The following XPNPEP2 variants were observed in gnomAD, a reference collection of about 807,000 sequenced individuals.
XPNPEP2 encodes the protein xaa-Pro aminopeptidase 2.
Under a neutral mutation model 59.8 loss-of-function variants are expected in XPNPEP2, and 64 were observed. The observed-to-expected ratio is 1.07, with a 90% CI of 0.87 to 1.32. The LOEUF is 1.32. Ranked by LOEUF, XPNPEP2 falls within the 40% of genes most tolerant of loss-of-function variation. XPNPEP2 has a pLI of 0.00. For missense variants in XPNPEP2, 575 were observed against 546.8 expected (o/e 1.05, Z -0.51); for synonymous variants, 235 against 210.0 (o/e 1.12, Z -1.03).
At chrX:129,740,547 T>G (rs1926154344) in intron 1 of XPNPEP2, among the ~76,000 whole-genome samples, 1 of 109,254 alleles carries the variant, frequency 9.2e-6, no homozygotes, top group Admixed American at 9.7e-5. Flanking sequence ...GAGAATCGCT[T>G]GAACTCAGGA....
chrX:129,746,094 A>G, intron 4 of XPNPEP2, 142 bp from the exon 5 acceptor site: 1 of 498,584 alleles, frequency 2.0e-6, no homozygotes, highest in Admixed American at 3.5e-5. Context: ...CTCCTTCCTC[A>G]CTTCTTTCCA....
In XPNPEP2 at chrX:129,761,220, T is replaced by A; in HGVS notation, c.1547T>A (p.Leu516His). The A allele has an allele frequency of 8.3e-7, 1 of 1,212,037 alleles. No individual in the cohort carries two copies. The highest frequency in any genetic ancestry group is 1.1e-6 in the Non-Finnish European group (1 of 895,554). Reference sequence around the variant, plus strand: ...CGCAGAGCCTTGTGGGATGCTGGTCTCAATTATGGTCATGGGACAGGCCAC... The same window carrying A: ...CGCAGAGCCTTGTGGGATGCTGGTCACAATTATGGTCATGGGACAGGCCAC... ...FARRALWDAG[L>H]NYGHGTGHGI... The change falls in exon 17 of 21, where the codon CTC becomes CAC. Residue 516 changes from leucine (L) to histidine (H), a missense_variant. By Grantham distance (99) the Leu-to-His change is moderately conservative. Transcript: ENST00000371106.
At chrX:129,750,714 G>C in intron 8 of XPNPEP2, 145 bp downstream of exon 8, 1 of 491,092 alleles carries the variant, frequency 2.0e-6, no homozygotes. Flanking sequence ...CAGCCCGTGG[G>C]AACCAAGAAG....
At chrX:129,753,051 G>T in intron 10 of XPNPEP2, 108 bp from the exon 11 acceptor site, 2 of 604,450 alleles carry the variant, frequency 3.3e-6, no homozygotes, top group Non-Finnish European at 5.6e-6. Context: ...CGTCTGCTGG[G>T]TCCTCCTGCC....
intron 16 of XPNPEP2, among the ~76,000 whole-genome samples, chrX:129,760,962 A>T (rs1175743493): frequency 8.9e-6 from 1 of 112,196 alleles, no homozygotes; most frequent in African/African-American, 3.2e-5. Flanking sequence ...TAAGCTGGAG[A>T]TAGTGATGGG....
At chrX:129,757,893 GAGAAAGAAAGAAAGAAAGAA>G (rs558575574) in intron 14 of XPNPEP2, among the ~76,000 whole-genome samples, 4,206 of 51,716 alleles carry the variant, frequency 0.081, 203 homozygotes, top group Non-Finnish European at 0.1. Flanking sequence ...GAGAGAGAGA[GAGAAAGAAAGAAAGAAAGAA>G]AGAAAGAAAG....
intron 15 of XPNPEP2, among the ~76,000 whole-genome samples, chrX:129,760,113 G>A (rs1926628696): frequency 1.8e-5 from 2 of 112,532 alleles, no homozygotes; most frequent in African/African-American, 6.5e-5. Context: ...TAGGAGCTAG[G>A]TCCTGTTATC....
At chrX:129,746,565 C>T (rs183740757) in intron 5 of XPNPEP2, 30 bp from the exon 6 acceptor site, 28 of 1,189,816 alleles carry the variant, frequency 2.4e-5, no homozygotes, top group Admixed American at 1.1e-4. Context: ...CTGAAGGTGA[C>T]CTCTGCATTG....
rs1411509903 is a variant in XPNPEP2 at position 129,768,416 on chromosome X, C to T, written c.1956C>T (p.Ala652=). Residue 652 remains alanine (A), a synonymous_variant, in exon 21 of 21, where the codon GCC becomes GCT. Coordinates refer to ENST00000371106, the MANE Select transcript of XPNPEP2 (RefSeq NM_003399.6). ...QQHTEPLAAR[A]PDTASWASVL... Reference sequence around the variant, plus strand: ...ACACAGAGCCCCTGGCCGCCAGGGCCCCAGACACCGCCTCCTGGGCCTCTG... The same window carrying T: ...ACACAGAGCCCCTGGCCGCCAGGGCTCCAGACACCGCCTCCTGGGCCTCTG... 3 of 1,206,244 alleles carry T rather than the reference C, an allele frequency of 2.5e-6. No homozygotes were observed. In the African/African-American group the frequency reaches 5.3e-5, roughly 21 times the overall value.
chrX:129,758,778 T>C (rs773717829), intron 14 of XPNPEP2, among the ~76,000 whole-genome samples: 1 of 111,901 alleles, frequency 8.9e-6, no homozygotes. Context: ...GAGAGTGTTA[T>C]GATAATATAA....
intron 10 of XPNPEP2, 133 bp from the exon 11 acceptor site, chrX:129,753,026 T>C (rs1771600): frequency 0.077 from 39,599 of 515,731 alleles, 2,939 homozygotes; most frequent in African/African-American, 0.38. Context: ...TGCCACGAAA[T>C]GGTGGCAAAT....
intron 19 of XPNPEP2, among the ~76,000 whole-genome samples, chrX:129,763,671 TA>T (rs991856351): frequency 1.9e-5 from 2 of 107,834 alleles, no homozygotes; most frequent in African/African-American, 6.8e-5. Context: ...AAACCCAATC[TA>T]AAAAAAAAGC....
At chrX:129,764,498 A>G (rs1926710526) in intron 19 of XPNPEP2, among the ~76,000 whole-genome samples, 3 of 109,348 alleles carry the variant, frequency 2.7e-5, no homozygotes, top group Non-Finnish European at 5.7e-5. Context: ...TCTACTAAAA[A>G]TACAAAATTA....
chrX:129,760,932 G>C, intron 16 of XPNPEP2, among the ~76,000 whole-genome samples: 1 of 112,127 alleles, frequency 8.9e-6, no homozygotes, highest in Non-Finnish European at 1.9e-5. Flanking sequence ...ATCAATTCAG[G>C]TAATGGATAC....
intron 14 of XPNPEP2, among the ~76,000 whole-genome samples, chrX:129,757,867 G>A (rs1569477231): frequency 2.0e-4 from 14 of 69,059 alleles, no homozygotes; most frequent in African/African-American, 1.1e-3. Flanking sequence ...AAGAGGGAGA[G>A]AGAGAAAGAG....
chrX:129,743,844 C>T (rs1439939980), intron 2 of XPNPEP2, 117 bp from the exon 3 acceptor site: 14 of 632,460 alleles, frequency 2.2e-5, no homozygotes, highest in Middle Eastern at 3.5e-4. Flanking sequence ...TTCCCCCAAC[C>T]GCTGCTTCAG....
intron 1 of XPNPEP2, among the ~76,000 whole-genome samples, chrX:129,739,920 G>A (rs1450602652): frequency 8.9e-6 from 1 of 112,156 alleles, no homozygotes; most frequent in Non-Finnish European, 1.9e-5. Flanking sequence ...TCAACTAGGT[G>A]CCCAGCCCAG....
Position 129,751,829 on chromosome X carries a change from A to G in XPNPEP2, c.821+3A>G. The G allele has an allele frequency of 8.3e-7, 1 of 1,205,838 alleles. No individual in the cohort carries two copies. Among genetic ancestry groups the G allele is most frequent in the Non-Finnish European group, 1.1e-6 (1 of 890,392 alleles). Reference sequence around the variant, plus strand: ...CTGCTCACAGACTCTTCTATTAGGTATGGCTTTTCCTTAGCTTGCTGTTGT... The same window carrying G: ...CTGCTCACAGACTCTTCTATTAGGTGTGGCTTTTCCTTAGCTTGCTGTTGT... On this transcript the variant is annotated splice_donor_region_variant and intron_variant, in intron 9 of 20. Transcript: ENST00000371106.
At chrX:129,753,573 G>A (rs1926461659) in intron 11 of XPNPEP2, among the ~76,000 whole-genome samples, 1 of 111,314 alleles carries the variant, frequency 9.0e-6, no homozygotes, top group African/African-American at 3.3e-5. Context: ...AACCTGGGAA[G>A]TAGAGGTTGC....
Sources: gnomAD v4.1 joint callset for allele counts (sites outside exome capture counted in the v4.1 genomes callset) on GRCh38, gnomAD v4.1.1 for gene constraint, MANE v1.5 for transcripts, NCBI Gene and HGNC (gene_info 2026-07-23, HGNC 2026-07-21) for gene names.